The following CRADD variants were observed in gnomAD, a reference collection of about 807,000 sequenced individuals.
CRADD encodes CARD and death domain containing adaptor protein.
Under a neutral mutation model 15.5 loss-of-function variants are expected in CRADD, and 9 were observed. That is an observed-to-expected ratio of 0.58 (90% CI 0.35 to 1.01). CRADD has a LOEUF of 1.01. CRADD is among the 50% of genes least tolerant of loss of function. The pLI is 0.02. For synonymous variants in CRADD, 118 were observed against 107.6 expected (o/e 1.10, Z -0.60); for missense variants, 227 against 250.3 (o/e 0.91, Z 0.63).
At chr12:93,828,580 A>T (rs1957853541) in intron 2 of CRADD, among the ~76,000 whole-genome samples, 1 of 152,210 alleles carries the variant, frequency 6.6e-6, no homozygotes, top group African/African-American at 2.4e-5. Context: ...TTTTAGCATC[A>T]CTTGTTGAAG....
intron 2 of CRADD, chr12:93,714,629 T>G (rs1218549869): frequency 1.3e-5 from 2 of 152,254 alleles, no homozygotes; most frequent in Admixed American, 1.3e-4. Flanking sequence ...CTCAAAGGCA[T>G]CAGAGCGAGT....
chr12:93,685,224 C>G (rs1237224177), intron 2 of CRADD, among the ~76,000 whole-genome samples: 2 of 152,010 alleles, frequency 1.3e-5, no homozygotes, highest in African/African-American at 4.8e-5. Flanking sequence ...TACGAAGTTC[C>G]TTTTAAAAAT....
At chr12:93,816,873 T>C (rs1471925160) in intron 2 of CRADD, among the ~76,000 whole-genome samples, 1 of 152,122 alleles carries the variant, frequency 6.6e-6, no homozygotes, top group Non-Finnish European at 1.5e-5. Context: ...TGTGAGACGG[T>C]TTCTGCTAAG....
intron 2 of CRADD, among the ~76,000 whole-genome samples, chr12:93,821,837 G>C (rs1015819142): frequency 1.3e-5 from 2 of 152,144 alleles, no homozygotes; most frequent in African/African-American, 4.8e-5. Context: ...TAGACAGCAG[G>C]CCAGGTGTGG....
At chr12:93,839,025 G>A (rs1360395181) in intron 2 of CRADD, among the ~76,000 whole-genome samples, 2 of 151,722 alleles carry the variant, frequency 1.3e-5, no homozygotes, top group South Asian at 2.1e-4. Flanking sequence ...CACCCGCCTC[G>A]ACCTCCCAAA....
In CRADD at chr12:93,683,706, C is replaced by T. The variant is rs79361527; in HGVS notation, c.298+4634C>T. Among the ~76,000 whole-genome samples the T allele has an allele frequency of 9.3e-3, 1,416 of 152,370 alleles. 35 individuals carry two copies. The highest frequency in any genetic ancestry group is 0.032 in the African/African-American group (1,350 of 41,574). On this transcript the variant is annotated intron_variant, in intron 2 of 2. Transcript: ENST00000332896. The stretch of plus-strand genomic sequence containing the variant: ...ACACAGAACCACACCTGCCGCCCTC[C>T]TGAGATACATTCTAGCTCTGAGTTG...
At chr12:93,870,028 C>A (rs770815868) in intron 2 of CRADD, among the ~76,000 whole-genome samples, 5 of 151,910 alleles carry the variant, frequency 3.3e-5, no homozygotes, top group Admixed American at 1.3e-4. Context: ...AAAAAAAAAT[C>A]TTTAAAACAG....
Position 93,863,184 on chromosome 12 carries a change from T to A in CRADD, c.299-30866T>A, listed in dbSNP as rs114461451. 4.4e-3 allele frequency among the ~76,000 whole-genome samples: 663 copies of A among 152,320 alleles called. 8 individuals are homozygous for A. Among genetic ancestry groups the A allele is most frequent in the African/African-American group, 0.015 (633 of 41,568 alleles). ...GTATTGCCTGTTCCTCAAGAGGCAG[T>A]GGGCATTGTCTCTGGTCGTTGTCAG... On this transcript the variant is annotated intron_variant, in intron 2 of 2. Transcript: ENST00000548483.
At chr12:93,700,493 T>C (rs1280192871) in intron 2 of CRADD, among the ~76,000 whole-genome samples, 1 of 152,108 alleles carries the variant, frequency 6.6e-6, no homozygotes, top group East Asian at 1.9e-4. Context: ...TGCAGTGGCT[T>C]GATCTCTGCT....
intron 2 of CRADD, among the ~76,000 whole-genome samples, chr12:93,776,957 G>T (rs1957146506): frequency 6.6e-6 from 1 of 152,146 alleles, no homozygotes; most frequent in African/African-American, 2.4e-5. Context: ...ATTAGATTGT[G>T]GTGATGGTTG....
intron 2 of CRADD, among the ~76,000 whole-genome samples, chr12:93,739,538 A>G (rs1277211792): frequency 1.3e-5 from 2 of 151,588 alleles, no homozygotes; most frequent in African/African-American, 4.8e-5. Context: ...AAATCTTTCT[A>G]GGAAAATATA....
At chr12:93,720,056 C>A (rs1956231562) in intron 2 of CRADD, among the ~76,000 whole-genome samples, 1 of 151,890 alleles carries the variant, frequency 6.6e-6, no homozygotes, top group Non-Finnish European at 1.5e-5. Context: ...TTCTTCTTTC[C>A]TAATTTTTGC....
At chr12:93,806,134 C>G (rs1957534626) in intron 2 of CRADD, among the ~76,000 whole-genome samples, 1 of 151,952 alleles carries the variant, frequency 6.6e-6, no homozygotes, top group Admixed American at 6.6e-5. Flanking sequence ...TTACCATGAG[C>G]CTGGTGTAGT....
Position 93,679,115 on chromosome 12 carries a change from G to A in CRADD, c.298+43G>A. 3 of 1,466,132 alleles carry A rather than the reference G, an allele frequency of 2.0e-6. No homozygotes were observed. In the South Asian group the frequency reaches 3.5e-5, roughly 17 times the overall value. 90.8% of individuals were successfully genotyped at this position (1,466,132 alleles called of 1,614,324 possible). A position where few individuals can be genotyped will look rare whatever the true frequency, so the allele number is the denominator to read the frequency against. ...CACTTTGAACCAGCTCCAAAATGTT[G>A]TAACTATGCTCTTTGCTTTTTTGTT... is the stretch of plus-strand genomic sequence containing the variant. On this transcript the variant is annotated intron_variant, in intron 2 of 2. Transcript: ENST00000332896.
At chr12:93,726,223 C>A (rs981874517) in intron 2 of CRADD, among the ~76,000 whole-genome samples, 25 of 150,924 alleles carry the variant, frequency 1.7e-4, no homozygotes, top group African/African-American at 6.1e-4. Context: ...CCTGTCTCAG[C>A]CTGCCAAGTA....
rs1055482375 is a variant in CRADD, at chr12:93,822,251, A to C, written c.299-27719A>C. Among the ~76,000 whole-genome samples the C allele has an allele frequency of 3.3e-5, 5 of 152,294 alleles. No individual in the cohort carries two copies. The South Asian group carries it at 1.0e-3, about 32-fold the overall frequency. On this transcript the variant is annotated intron_variant, in intron 2 of 2. Transcript: ENST00000332896. ...TTACTGTGGACAGCCAGAGCACTGC[A>C]AAAAAGGGAAATTTGTCATTTGCCT...
At chr12:93,733,068 G>A (rs1956495468) in intron 2 of CRADD, among the ~76,000 whole-genome samples, 2 of 152,126 alleles carry the variant, frequency 1.3e-5, no homozygotes, top group South Asian at 4.1e-4. Context: ...GGGGTTGTAA[G>A]GATTTGAAGT....
intron 2 of CRADD, among the ~76,000 whole-genome samples, chr12:93,857,514 G>C (rs1223747245): frequency 6.6e-6 from 1 of 152,208 alleles, no homozygotes; most frequent in Non-Finnish European, 1.5e-5. Flanking sequence ...AAGAATGAGG[G>C]TGTCTGTCTA....
chr12:93,693,259 A>T (rs1955615520), intron 2 of CRADD, among the ~76,000 whole-genome samples: 1 of 152,158 alleles, frequency 6.6e-6, no homozygotes, highest in Non-Finnish European at 1.5e-5. Context: ...CCTTGAATGT[A>T]AATGGATTAA....
Sources: allele counts gnomAD v4.1 joint callset (sites outside exome capture counted in the v4.1 genomes callset), GRCh38; gene constraint gnomAD v4.1.1; transcripts MANE v1.5; gene names NCBI Gene and HGNC (gene_info 2026-07-23, HGNC 2026-07-21).